NPSR1: variants seen among roughly 807,000 people sequenced by gnomAD.
NPSR1 encodes neuropeptide S receptor 1.
A neutral mutation model predicts 46.9 loss-of-function variants in NPSR1; 48 were observed. The observed-to-expected ratio is 1.02, with a 90% confidence interval of 0.81 to 1.30. The LOEUF (loss-of-function observed/expected upper bound fraction) is 1.30. Ranked by LOEUF, NPSR1 falls within the 50% of genes most tolerant of loss-of-function variation. The probability of loss-of-function intolerance (pLI) is 0.00; values close to 1 mark genes in which losing one functional copy is unlikely to be tolerated. For missense variants in NPSR1, 450 were observed against 449.5 expected (o/e 1.00, Z -0.01); for synonymous variants, 176 against 168.1 (o/e 1.05, Z -0.36).
intron 1 of NPSR1, among the ~76,000 whole-genome samples, chr7:34,666,037 T>C (rs1791733602): frequency 6.6e-6 from 1 of 152,230 alleles, no homozygotes; most frequent in South Asian, 2.1e-4. Flanking sequence ...ACTGCTAATA[T>C]CTCAATAAGC....
chr7:34,697,344 A>G (rs1281780510), intron 2 of NPSR1, among the ~76,000 whole-genome samples: 1 of 151,930 alleles, frequency 6.6e-6, no homozygotes, highest in African/African-American at 2.4e-5. Flanking sequence ...TAAAATCTCT[A>G]AAGTAATCCT....
chr7:34,856,295 A>G (rs1157129607), intron 8 of NPSR1, among the ~76,000 whole-genome samples: 3 of 151,804 alleles, frequency 2.0e-5, no homozygotes, highest in Non-Finnish European at 4.4e-5. Flanking sequence ...AAGGTTTAAT[A>G]AGGTTGCAGG....
chr7:34,772,168 C>T (rs543959196), intron 2 of NPSR1, among the ~76,000 whole-genome samples: 23 of 152,304 alleles, frequency 1.5e-4, no homozygotes, highest in African/African-American at 5.3e-4. Flanking sequence ...TTGCTGCATG[C>T]CATACCCTGA....
At chr7:34,862,985 T>C (rs1273546647) in intron 8 of NPSR1, among the ~76,000 whole-genome samples, 1 of 151,712 alleles carries the variant, frequency 6.6e-6, no homozygotes, top group Non-Finnish European at 1.5e-5. Context: ...CAAACTATAC[T>C]ACAAGGCTAC....
intron 2 of NPSR1, among the ~76,000 whole-genome samples, chr7:34,691,536 G>A (rs1793256190): frequency 6.6e-6 from 1 of 151,826 alleles, no homozygotes; most frequent in Non-Finnish European, 1.5e-5. Flanking sequence ...TCATGCAAAT[G>A]GGAAAAAAAG....
At chr7:34,663,893 A>C (rs748432404) in intron 1 of NPSR1, among the ~76,000 whole-genome samples, 9 of 152,170 alleles carry the variant, frequency 5.9e-5, no homozygotes, top group Non-Finnish European at 1.2e-4. Context: ...GTTTCTGTCC[A>C]TCTGCATTGA....
intron 5 of NPSR1, among the ~76,000 whole-genome samples, chr7:34,828,879 G>A (rs2128757017): frequency 6.6e-6 from 1 of 152,244 alleles, no homozygotes; most frequent in East Asian, 1.9e-4. Flanking sequence ...TTGTAGAAAA[G>A]GTATATTCTG....
chr7:34,830,728 G>T (rs1790077934), intron 5 of NPSR1, among the ~76,000 whole-genome samples: 1 of 152,138 alleles, frequency 6.6e-6, no homozygotes, highest in Non-Finnish European at 1.5e-5. Context: ...TAACTCAGTG[G>T]CTTTTCTGCC....
At chr7:34,849,253 C>A in intron 8 of NPSR1, 1 of 989,780 alleles carries the variant, frequency 1.0e-6, no homozygotes, top group Non-Finnish European at 1.6e-6. Context: ...ATTGTTTATT[C>A]GTAGCGATGT....
chr7:34,805,651 C>G (rs937144013), intron 3 of NPSR1, among the ~76,000 whole-genome samples: 1 of 151,648 alleles, frequency 6.6e-6, no homozygotes, highest in Non-Finnish European at 1.5e-5. Flanking sequence ...TTTTTAGATA[C>G]AACACCAGAA....
intron 2 of NPSR1, among the ~76,000 whole-genome samples, chr7:34,755,102 C>T (rs1020556151): frequency 6.6e-6 from 1 of 152,332 alleles, no homozygotes; most frequent in Non-Finnish European, 1.5e-5. Flanking sequence ...TCATGTACAA[C>T]TTTCTGTGTG....
intron 4 of NPSR1, among the ~76,000 whole-genome samples, chr7:34,827,116 G>T (rs1415878533): frequency 1.3e-5 from 2 of 152,216 alleles, no homozygotes; most frequent in African/African-American, 4.8e-5. Flanking sequence ...TGCAGGAATG[G>T]ATGCGTCAGC....
rs1284529581 is a variant in NPSR1 at position 34,684,555 on chromosome 7, G to C, written c.151G>C (p.Glu51Gln). The C allele has an allele frequency of 6.2e-7, 1 of 1,613,300 alleles. No homozygotes were observed. Among genetic ancestry groups the C allele is most frequent in the Non-Finnish European group, 8.5e-7 (1 of 1,179,688 alleles). The stretch of plus-strand genomic sequence containing the variant: ...TATTTTTCTCTGTTTCTTGCAGACT[G>C]AGCAATTGATAACTCTGTGGGTCCT... ...WGSFYYSFKTEQLITLWVLFV... is the reference protein window; with the variant it reads ...WGSFYYSFKTQQLITLWVLFV... Residue 51 changes from glutamate (E) to glutamine (Q), a missense_variant, in exon 2 of 9, where the codon GAG (glutamate) becomes CAG (glutamine). Transcript: ENST00000360581.
chr7:34,749,365 G>C (rs2023529), intron 2 of NPSR1, among the ~76,000 whole-genome samples: 7,150 of 152,238 alleles, frequency 0.047, 236 homozygotes, highest in South Asian at 0.087. Flanking sequence ...AAAGGGAAGG[G>C]GGTAGAAAGG....
At position 34,703,240 on chromosome 7, in the gene NPSR1, A is replaced by G. The variant is rs559241432; in HGVS notation, c.280+18556A>G. Among the ~76,000 whole-genome samples the G allele has an allele frequency of 2.7e-4, 41 of 152,216 alleles. No homozygotes were observed. In the East Asian group the frequency reaches 3.5e-3, roughly 13 times the overall value. ...CAGGCGTGGTGGCGGGCGCGATGGC[A>G]GGCGCCTGTAGTCCCAGCTACTCCA... is the stretch of plus-strand genomic sequence containing the variant. On this transcript the variant is annotated intron_variant, in intron 2 of 8. Coordinates refer to ENST00000360581, the MANE Select transcript of NPSR1 (RefSeq NM_207172.2).
intron 2 of NPSR1, among the ~76,000 whole-genome samples, chr7:34,766,794 C>A (rs1291039226): frequency 2.0e-5 from 3 of 152,062 alleles, no homozygotes; most frequent in Admixed American, 2.0e-4. Context: ...AGGATGGTCT[C>A]GATCTCCCGA....
At chr7:34,808,112 G>A (rs765681487) in intron 3 of NPSR1, among the ~76,000 whole-genome samples, 2 of 152,138 alleles carry the variant, frequency 1.3e-5, no homozygotes, top group Non-Finnish European at 2.9e-5. Flanking sequence ...AGCTTGGGCC[G>A]ATATGGTCAC....
At chr7:34,862,869 G>A (rs1462915672) in intron 8 of NPSR1, among the ~76,000 whole-genome samples, 5 of 151,696 alleles carry the variant, frequency 3.3e-5, no homozygotes, top group Admixed American at 3.3e-4. Flanking sequence ...TAGTTTGGGT[G>A]ATAAATTATA....
At position 34,689,604 on chromosome 7, in the gene NPSR1, C is replaced by CA. The variant is rs869170591; in HGVS notation, c.280+4950dup. Reference sequence around the variant, plus strand: ...TGGATGACAGAGCCAGACTCTGTCTCAAAAAAAAAAAAAAAAAAAAAAAAA... The same window carrying CA: ...TGGATGACAGAGCCAGACTCTGTCTCAAAAAAAAAAAAAAAAAAAAAAAAAA... On this transcript the variant is annotated intron_variant, in intron 2 of 8. Coordinates refer to ENST00000360581, the MANE Select transcript of NPSR1 (RefSeq NM_207172.2). 7.6e-4 allele frequency among the ~76,000 whole-genome samples: 28 copies of CA among 36,686 alleles called. 3 individuals carry two copies. The highest frequency in any genetic ancestry group is 2.2e-3 in the Admixed American group (4 of 1,830). 24.1% of individuals were successfully genotyped at this position (36,686 alleles called of 152,430 possible).
Sources: gnomAD v4.1 joint callset for allele counts (sites outside exome capture counted in the v4.1 genomes callset) on GRCh38, gnomAD v4.1.1 for gene constraint, MANE v1.5 for transcripts, NCBI Gene and HGNC (gene_info 2026-07-23, HGNC 2026-07-21) for gene names.